The following SLC5A11 variants were observed in gnomAD, a reference collection of about 807,000 sequenced individuals.
SLC5A11 encodes the protein solute carrier family 5 member 11.
In SLC5A11, 48 loss-of-function variants were observed where a neutral mutation model predicts 69.8. The observed-to-expected ratio is 0.69, with a 90% CI of 0.55 to 0.87. The LOEUF (loss-of-function observed/expected upper bound fraction) is 0.87. Among genes scored for constraint, SLC5A11 ranks in the 40% least tolerant of loss-of-function variants. The probability of loss-of-function intolerance (pLI) is 0.00; values close to 1 mark genes in which losing one functional copy is unlikely to be tolerated. For missense variants in SLC5A11, 784 were observed against 866.1 expected (o/e 0.91, Z 1.19); for synonymous variants, 319 against 342.4 (o/e 0.93, Z 0.75).
intron 12 of SLC5A11, 39 bp from the exon 14 acceptor site, chr16:24,907,924 C>CAGGA: frequency 1.2e-6 from 2 of 1,609,642 alleles, no homozygotes; most frequent in Middle Eastern, 1.7e-4. Context: ...AGTAAATGTT[C>CAGGA]AGATGATGCT....
At chr16:24,872,137 C>T (rs957731757) in intron 4 of SLC5A11, 23 bp from the exon 6 acceptor site, 2 of 1,614,096 alleles carry the variant, frequency 1.2e-6, no homozygotes, top group Admixed American at 1.7e-5. Flanking sequence ...GGGGCCAAGT[C>T]CTGACTGTGT....
intron 1 of SLC5A11, 55 bp from the exon 3 acceptor site, chr16:24,858,565 G>C (rs2059628639): frequency 6.6e-7 from 1 of 1,508,054 alleles, no homozygotes; most frequent in Non-Finnish European, 9.0e-7. Flanking sequence ...CTACAGAAAG[G>C]GTGAGAAGAA....
rs1292964793 is a variant in SLC5A11 at position 24,885,260 on chromosome 16, T to C, written c.664+1129T>C. ...GATAGGTTCAGGGGAAGTTATTTTG[T>C]TGATTAGCCAACTTCTTATTATTGT... is the stretch of plus-strand genomic sequence containing the variant. On this transcript the variant is annotated intron_variant, in intron 8 of 15. Coordinates refer to ENST00000347898, the Ensembl canonical transcript of SLC5A11. Among the ~76,000 whole-genome samples the C allele has an allele frequency of 3.4e-5, 5 of 149,172 alleles. No individual in the cohort carries two copies. In the East Asian group the frequency reaches 9.9e-4, roughly 30 times the overall value.
At chr16:24,875,583 G>A in intron 5 of SLC5A11, 44 bp from the exon 7 acceptor site, 1 of 1,539,062 alleles carries the variant, frequency 6.5e-7, no homozygotes, top group Non-Finnish European at 8.9e-7. Flanking sequence ...TCACGTGCTG[G>A]TGGTGAAGTC....
intron 1 of SLC5A11, among the ~76,000 whole-genome samples, chr16:24,847,145 T>A (rs1432971131): frequency 6.6e-6 from 1 of 151,964 alleles, no homozygotes; most frequent in Non-Finnish European, 1.5e-5. Context: ...CTTTCTTTCT[T>A]TTTCTTTCTT....
chr16:24,856,644 G>A lies in SLC5A11; in HGVS notation c.-24-1976G>A, dbSNP rs1375261270. Among the ~76,000 whole-genome samples, 12 of 148,624 alleles carry A rather than the reference G, an allele frequency of 8.1e-5. No homozygotes were observed. In the East Asian group the frequency reaches 1.2e-3, roughly 15 times the overall value. On this transcript the variant is annotated intron_variant, in intron 1 of 15. Transcript: ENST00000347898. Reference sequence around the variant, plus strand: ...AAATTAGCTGAGCGTGGTGGTGGGCGCCTGTAGTCCCAGCTACTCAGGAGG... The same window carrying A: ...AAATTAGCTGAGCGTGGTGGTGGGCACCTGTAGTCCCAGCTACTCAGGAGG...
At chr16:24,871,336 T>A (rs181975434) in intron 4 of SLC5A11, among the ~76,000 whole-genome samples, 45 of 152,266 alleles carry the variant, frequency 3.0e-4, no homozygotes, top group African/African-American at 9.9e-4. Flanking sequence ...AGTGGTGTGG[T>A]CATGGCTCAC....
chr16:24,903,781 G>T, intron 10 of SLC5A11, among the ~76,000 whole-genome samples: 1 of 152,234 alleles, frequency 6.6e-6, no homozygotes, highest in Non-Finnish European at 1.5e-5. Context: ...CACTGAGGTT[G>T]ATTCCATATG....
intron 13 of SLC5A11, among the ~76,000 whole-genome samples, chr16:24,908,613 A>AAAG (rs2050257247): frequency 6.6e-6 from 1 of 151,886 alleles, no homozygotes; most frequent in East Asian, 1.9e-4. Context: ...AAAAAAAAAA[A>AAAG]AAAGCAATGA....
intron 10 of SLC5A11, 56 bp downstream of exon 11, chr16:24,898,165 A>G: frequency 6.3e-7 from 1 of 1,586,374 alleles, no homozygotes; most frequent in Non-Finnish European, 8.6e-7. Flanking sequence ...GACCATGTGA[A>G]TTATTCTAAA....
At chr16:24,876,134 T>A (rs1472916676) in intron 6 of SLC5A11, among the ~76,000 whole-genome samples, 1 of 150,754 alleles carries the variant, frequency 6.6e-6, no homozygotes, top group East Asian at 1.9e-4. Context: ...AGGCGGGGGT[T>A]GCAGTGAGCC....
chr16:24,857,986 G>C (rs1163755500), intron 1 of SLC5A11, among the ~76,000 whole-genome samples: 4 of 152,036 alleles, frequency 2.6e-5, no homozygotes, highest in Non-Finnish European at 5.9e-5. Context: ...CAAGATTATT[G>C]AGTTCAAATC....
intron 7 of SLC5A11, among the ~76,000 whole-genome samples, chr16:24,881,874 A>T (rs2048069378): frequency 6.6e-6 from 1 of 152,184 alleles, no homozygotes; most frequent in Non-Finnish European, 1.5e-5. Flanking sequence ...AGAAAAGGGC[A>T]GGGACCAGAG....
chr16:24,884,046 A>G lies in SLC5A11; in HGVS notation c.584-5A>G. 6.3e-7 allele frequency: 1 copy of G among 1,576,160 alleles called. No homozygotes were observed. The highest frequency in any genetic ancestry group is 2.3e-5 in the East Asian group (1 of 43,484). ...TGACCCTCACCTCCGTGCTCATCCC[A>G]CCAGGTGGCCTGGCTGCTGTGATCT... is the stretch of plus-strand genomic sequence containing the variant. On this transcript the variant is annotated splice_region_variant and splice_polypyrimidine_tract_variant and intron_variant, in intron 7 of 15. Transcript: ENST00000347898.
chr16:24,904,264 T>C (rs1278132755), intron 10 of SLC5A11, among the ~76,000 whole-genome samples: 3 of 152,340 alleles, frequency 2.0e-5, no homozygotes, highest in Non-Finnish European at 4.4e-5. Flanking sequence ...TCAGGATATA[T>C]GCCCAGTAGC....
intron 4 of SLC5A11, among the ~76,000 whole-genome samples, chr16:24,870,433 A>C (rs1235954733): frequency 7.3e-6 from 1 of 136,500 alleles, no homozygotes; most frequent in East Asian, 2.4e-4. Context: ...AACAAAAAAA[A>C]CAAAAAAAAA....
intron 1 of SLC5A11, among the ~76,000 whole-genome samples, chr16:24,847,512 GCTAA>G (rs2059082100): frequency 6.6e-6 from 1 of 151,762 alleles, no homozygotes; most frequent in Non-Finnish European, 1.5e-5. Context: ...AGCATGCCCT[GCTAA>G]CTTTTTTATT....
chr16:24,865,522 A>G (rs1199869833), intron 3 of SLC5A11, among the ~76,000 whole-genome samples: 1 of 152,154 alleles, frequency 6.6e-6, no homozygotes, highest in East Asian at 1.9e-4. Flanking sequence ...GAGCCACTGC[A>G]CTCCAGCCTG....
At chr16:24,903,060 G>C (rs924392363) in intron 10 of SLC5A11, among the ~76,000 whole-genome samples, 6 of 152,128 alleles carry the variant, frequency 3.9e-5, no homozygotes, top group African/African-American at 1.4e-4. Context: ...CCCTTCTCTG[G>C]AGGCCCAGAC....
Sources: gnomAD v4.1 joint callset for allele counts (sites outside exome capture counted in the v4.1 genomes callset) on GRCh38, gnomAD v4.1.1 for gene constraint, MANE v1.5 for transcripts, NCBI Gene and HGNC (gene_info 2026-07-23, HGNC 2026-07-21) for gene names.